Variants in MDGA2 observed in about 807,000 individuals in gnomAD.
MDGA2 encodes MAM domain containing glycosylphosphatidylinositol anchor 2.
In MDGA2, 40 loss-of-function variants were observed where a neutral mutation model predicts 117.8. That is an observed-to-expected ratio of 0.34 (90% confidence interval 0.26 to 0.44). The LOEUF is 0.44. Ranked by LOEUF, MDGA2 falls within the 20% of genes least tolerant of loss-of-function variation. MDGA2 has a pLI of 1.00. For missense variants in MDGA2, 1,123 were observed against 1,250.6 expected (o/e 0.90, Z 1.54); for synonymous variants, 452 against 439.0 (o/e 1.03, Z -0.37).
chr14:47,000,642 A>G (rs982470138), intron 8 of MDGA2, among the ~76,000 whole-genome samples: 1 of 151,336 alleles, frequency 6.6e-6, no homozygotes, highest in Non-Finnish European at 1.5e-5. Flanking sequence ...GAGATCTTTT[A>G]GGCCTTTGTA....
intron 1 of MDGA2, among the ~76,000 whole-genome samples, chr14:47,384,470 T>G (rs984880706): frequency 6.6e-6 from 1 of 152,096 alleles, no homozygotes; most frequent in Non-Finnish European, 1.5e-5. Context: ...ATTGTTATCT[T>G]GTATTATTCT....
Position 46,957,622 on chromosome 14 carries a change from G to T in MDGA2, c.1841C>A (p.Ala614Glu). ...IVQYPPAVEP[A>E]FLEIRQGQDR... ...CTGTCCTTGCCGGATTTCCAAGAAT[G>T]CTGGTTCCACTGCAGGGGGATCTGT... Residue 614 changes from alanine to glutamate, a missense_variant, in exon 9 of 17, where the codon GCA (alanine) becomes GAA (glutamate). Around this residue, in one of 2 missense-constraint regions of MDGA2, gnomAD observed 890 missense variants for 1,050.3 expected, o/e 0.85. Coordinates refer to ENST00000399232, the MANE Select transcript of MDGA2 (RefSeq NM_001113498.3). The T allele has an allele frequency of 6.2e-7, 1 of 1,614,114 alleles. No individual in the cohort carries two copies.
intron 1 of MDGA2, among the ~76,000 whole-genome samples, chr14:47,671,339 T>C (rs557698171): frequency 9.9e-5 from 15 of 152,230 alleles, no homozygotes; most frequent in Non-Finnish European, 2.1e-4. Flanking sequence ...ATTAAAATAC[T>C]TGAGACAATA....
chr14:46,944,215 A>C (rs1437386579), intron 9 of MDGA2, among the ~76,000 whole-genome samples: 2 of 151,926 alleles, frequency 1.3e-5, no homozygotes, highest in Admixed American at 6.6e-5. Flanking sequence ...TTTGACTCTA[A>C]TTTTTAAAGT....
chr14:47,155,002 T>C (rs1883310555), intron 3 of MDGA2, among the ~76,000 whole-genome samples: 1 of 152,078 alleles, frequency 6.6e-6, no homozygotes, highest in Admixed American at 6.5e-5. Context: ...CCGATTAAAA[T>C]CCCAGACTCA....
intron 4 of MDGA2, among the ~76,000 whole-genome samples, chr14:47,141,836 T>G (rs1032785558): frequency 6.6e-6 from 1 of 152,190 alleles, no homozygotes; most frequent in Non-Finnish European, 1.5e-5. Context: ...AATATTGTAT[T>G]GTATGTTTCA....
chr14:47,343,105 A>G (rs1414828053), intron 1 of MDGA2: 2 of 1,251,310 alleles, frequency 1.6e-6, no homozygotes, highest in African/African-American at 1.6e-5. Context: ...CACCTTGAAT[A>G]ACCAGATGCT....
intron 1 of MDGA2, among the ~76,000 whole-genome samples, chr14:47,549,255 T>C (rs1216749873): frequency 6.6e-6 from 1 of 152,166 alleles, no homozygotes; most frequent in African/African-American, 2.4e-5. Flanking sequence ...CAATGATTTT[T>C]CTCAAATAAA....
chr14:47,162,235 G>C (rs375752356), intron 3 of MDGA2, among the ~76,000 whole-genome samples: 1 of 151,930 alleles, frequency 6.6e-6, no homozygotes, highest in Non-Finnish European at 1.5e-5. Context: ...ATAAGCCACC[G>C]AGCCCGGCCA....
intron 3 of MDGA2, among the ~76,000 whole-genome samples, chr14:47,177,509 G>T (rs1234500989): frequency 6.6e-6 from 1 of 152,154 alleles, no homozygotes; most frequent in African/African-American, 2.4e-5. Flanking sequence ...TAGGGACATG[G>T]ATGAAATTGG....
At position 47,657,352 on chromosome 14, in the gene MDGA2, C is replaced by T. The variant is rs150758898; in HGVS notation, c.280+17165G>A. On this transcript the variant is annotated intron_variant, in intron 1 of 16. Transcript: ENST00000399232. ...ATATTAGTCAGCTTGCCATCAGCTACTCCAGTGTTGCATCAATAGACACAA... is the reference window on the plus strand; with the variant it reads ...ATATTAGTCAGCTTGCCATCAGCTATTCCAGTGTTGCATCAATAGACACAA... 3.6e-3 allele frequency among the ~76,000 whole-genome samples: 542 copies of T among 152,298 alleles called. 3 individuals are homozygous for T. The highest frequency in any genetic ancestry group is 0.012 in the African/African-American group (519 of 41,584).
At chr14:46,905,448 G>A (rs1025933304) in intron 10 of MDGA2, among the ~76,000 whole-genome samples, 3 of 151,812 alleles carry the variant, frequency 2.0e-5, no homozygotes, top group Admixed American at 1.3e-4. Context: ...TTGAGATTGC[G>A]TGCAAACTAT....
At chr14:47,659,274 T>G (rs767167581) in intron 1 of MDGA2, among the ~76,000 whole-genome samples, 7 of 152,204 alleles carry the variant, frequency 4.6e-5, no homozygotes, top group Non-Finnish European at 8.8e-5. Context: ...TTTTCATTAT[T>G]TGCTTTATAA....
intron 3 of MDGA2, among the ~76,000 whole-genome samples, chr14:47,180,857 G>A (rs995069365): frequency 2.0e-5 from 3 of 152,142 alleles, no homozygotes; most frequent in African/African-American, 4.8e-5. Context: ...GGAGAAAAAG[G>A]TTGCAGTGAG....
At chr14:47,245,045 A>G (rs1887192783) in intron 2 of MDGA2, among the ~76,000 whole-genome samples, 2 of 151,646 alleles carry the variant, frequency 1.3e-5, no homozygotes, top group Admixed American at 1.3e-4. Flanking sequence ...TGTTTTTGAG[A>G]CAAAGTCTCA....
chr14:47,561,171 G>GTTTTTTTTTTT (rs1594918273), intron 1 of MDGA2, among the ~76,000 whole-genome samples: 8,064 of 65,806 alleles, frequency 0.12, 884 homozygotes, highest in South Asian at 0.32. Flanking sequence ...TTGTTTTTTT[G>GTTTTTTTTTTT]TTTGTTTGTT....
At chr14:47,376,863 G>A (rs68041463) in intron 1 of MDGA2, among the ~76,000 whole-genome samples, 3 of 152,028 alleles carry the variant, frequency 2.0e-5, no homozygotes, top group Non-Finnish European at 4.4e-5. Context: ...GTAGGAAAGG[G>A]GGGGCACAAA....
At chr14:47,329,755 G>A (rs879562191) in intron 1 of MDGA2, among the ~76,000 whole-genome samples, 3 of 151,818 alleles carry the variant, frequency 2.0e-5, no homozygotes, top group Non-Finnish European at 4.4e-5. Flanking sequence ...AATTTGACAC[G>A]AACAGATAGT....
intron 16 of MDGA2, 136 bp downstream of exon 16, chr14:46,845,630 G>T: frequency 1.9e-6 from 1 of 525,272 alleles, no homozygotes; most frequent in Non-Finnish European, 3.3e-6. Flanking sequence ...CAAACTTTAG[G>T]GTATTACATA....
Sources: allele counts gnomAD v4.1 joint callset (sites outside exome capture counted in the v4.1 genomes callset), GRCh38; gene constraint gnomAD v4.1.1; regional missense constraint gnomAD v4.1.1; transcripts MANE v1.5; gene names NCBI Gene and HGNC (gene_info 2026-07-23, HGNC 2026-07-21).